LIMCH1: variants seen among roughly 807,000 people sequenced by gnomAD.
LIMCH1 encodes LIM and calponin homology domains 1.
In LIMCH1, 113 loss-of-function variants were observed where a neutral mutation model predicts 176.5. The observed-to-expected ratio is 0.64, with a 90% confidence interval of 0.55 to 0.75. The LOEUF is 0.75. LIMCH1 is among the 30% of genes least tolerant of loss of function. LIMCH1 has a pLI of 0.00. For synonymous variants in LIMCH1, 619 were observed against 645.9 expected, an observed-to-expected ratio of 0.96 and a Z score of 0.63; for missense variants, 1,674 against 1,814.9, an observed-to-expected ratio of 0.92 and a Z score of 1.41.
At chr4:41,499,393 C>A (rs184576277) in intron 2 of LIMCH1, among the ~76,000 whole-genome samples, 156 of 152,282 alleles carry the variant, frequency 1.0e-3, no homozygotes, top group African/African-American at 3.6e-3. Flanking sequence ...CAGGGTGGAT[C>A]TTGTAAATAT....
chr4:41,667,755 G>A (rs889454441), intron 21 of LIMCH1, among the ~76,000 whole-genome samples: 1 of 152,146 alleles, frequency 6.6e-6, no homozygotes, highest in Non-Finnish European at 1.5e-5. Flanking sequence ...TGGAGGATGG[G>A]TTCTGAGAAT....
intron 1 of LIMCH1, among the ~76,000 whole-genome samples, chr4:41,559,212 T>A (rs1300226339): frequency 6.6e-6 from 1 of 152,160 alleles, no homozygotes; most frequent in Non-Finnish European, 1.5e-5. Context: ...TAAAACATAA[T>A]AAAGATAAAT....
chr4:41,613,188 C>G, intron 4 of LIMCH1: 1 of 1,189,734 alleles, frequency 8.4e-7, no homozygotes. Flanking sequence ...AATTCTTTCT[C>G]TACTCTTTTT....
At chr4:41,365,137 C>A (rs1474058062) in intron 1 of LIMCH1, among the ~76,000 whole-genome samples, 2 of 152,250 alleles carry the variant, frequency 1.3e-5, no homozygotes, top group Non-Finnish European at 2.9e-5. Context: ...GAAATTTCAA[C>A]CCAACTCAGC....
At chr4:41,373,760 G>A (rs1300131591) in intron 1 of LIMCH1, among the ~76,000 whole-genome samples, 1 of 152,126 alleles carries the variant, frequency 6.6e-6, no homozygotes, top group Non-Finnish European at 1.5e-5. Flanking sequence ...GGTGTGATAT[G>A]GTTTGGATTT....
Position 41,644,601 on chromosome 4 carries a change from G to A in LIMCH1, c.2228G>A (p.Arg743Lys). Residue 743 changes from arginine (R) to lysine (K), a missense_variant, in exon 15 of 32, where the codon AGG becomes AAG. Physicochemically the swap from Arg to Lys is conservative, Grantham distance 26 (BLOSUM62 2). This residue lies in a region of LIMCH1 where 1,015 missense variants were observed against 1,102.5 expected (regional missense o/e 0.92). Transcript: ENST00000503057. Reference protein sequence around the residue: ...EQLQLINNQLREEDDKWQDDL... With the variant: ...EQLQLINNQLKEEDDKWQDDL... Reference sequence around the variant, plus strand: ...CTGCAGCTGATAAATAACCAGCTGAGGGAAGAGGACGACAAATGGCAAGAT... The same window carrying A: ...CTGCAGCTGATAAATAACCAGCTGAAGGAAGAGGACGACAAATGGCAAGAT... The A allele has an allele frequency of 6.2e-7, 1 of 1,612,472 alleles. No homozygotes were observed. Among genetic ancestry groups the A allele is most frequent in the Non-Finnish European group, 8.5e-7 (1 of 1,179,340 alleles).
chr4:41,695,027 T>A (rs954512221), intron 31 of LIMCH1, among the ~76,000 whole-genome samples: 1 of 152,120 alleles, frequency 6.6e-6, no homozygotes, highest in Non-Finnish European at 1.5e-5. Context: ...TATTTATATT[T>A]CCTTTTCTGT....
chr4:41,495,024 A>G (rs1176335039), intron 2 of LIMCH1, among the ~76,000 whole-genome samples: 1 of 152,216 alleles, frequency 6.6e-6, no homozygotes, highest in Admixed American at 6.5e-5. Flanking sequence ...ATGCCGGGTA[A>G]TGCTCCTCAC....
At chr4:41,665,585 T>A (rs2094793892) in intron 20 of LIMCH1, among the ~76,000 whole-genome samples, 1 of 152,086 alleles carries the variant, frequency 6.6e-6, no homozygotes, top group Non-Finnish European at 1.5e-5. Flanking sequence ...TGCTCTGTGG[T>A]CTCACTCGCC....
At chr4:41,580,754 A>C (rs773766405) in intron 1 of LIMCH1, among the ~76,000 whole-genome samples, 20 of 152,160 alleles carry the variant, frequency 1.3e-4, no homozygotes, top group Non-Finnish European at 2.5e-4. Flanking sequence ...AGTAAAATAT[A>C]TAAATCTGTT....
At chr4:41,406,124 G>A (rs2058935737) in intron 1 of LIMCH1, among the ~76,000 whole-genome samples, 1 of 152,116 alleles carries the variant, frequency 6.6e-6, no homozygotes, top group African/African-American at 2.4e-5. Context: ...AATAACTTTT[G>A]TATCTTCCTT....
At chr4:41,485,808 T>C (rs906194583) in intron 1 of LIMCH1, among the ~76,000 whole-genome samples, 2 of 152,092 alleles carry the variant, frequency 1.3e-5, no homozygotes, top group Non-Finnish European at 2.9e-5. Context: ...GGCTGCTGGC[T>C]TGAGAATAGA....
chr4:41,459,783 G>A (rs1203704478), intron 1 of LIMCH1, among the ~76,000 whole-genome samples: 1 of 152,166 alleles, frequency 6.6e-6, no homozygotes, highest in Non-Finnish European at 1.5e-5. Context: ...TCAGCCCAGA[G>A]ACAGGGGCTG....
chr4:41,663,462 G>T (rs1227212336), intron 20 of LIMCH1, among the ~76,000 whole-genome samples: 1 of 152,084 alleles, frequency 6.6e-6, no homozygotes, highest in Non-Finnish European at 1.5e-5. Context: ...TAACCTGTCA[G>T]CTTACTGGCT....
At chr4:41,568,937 G>C (rs1179377134) in intron 1 of LIMCH1, among the ~76,000 whole-genome samples, 1 of 150,434 alleles carries the variant, frequency 6.6e-6, no homozygotes, top group Non-Finnish European at 1.5e-5. Context: ...TCATTCTCTT[G>C]ATCTTCTACA....
At chr4:41,372,603 G>A (rs921403718) in intron 1 of LIMCH1, among the ~76,000 whole-genome samples, 3 of 152,176 alleles carry the variant, frequency 2.0e-5, no homozygotes, top group African/African-American at 7.2e-5. Context: ...TATGGAAAAT[G>A]TTTTCTTTAG....
chr4:41,566,259 G>T (rs973092189), intron 1 of LIMCH1, among the ~76,000 whole-genome samples: 2 of 152,154 alleles, frequency 1.3e-5, no homozygotes, highest in African/African-American at 4.8e-5. Flanking sequence ...ATCACAAATG[G>T]TCTTAATGGC....
intron 1 of LIMCH1, among the ~76,000 whole-genome samples, chr4:41,541,324 A>G (rs1307873978): frequency 6.6e-6 from 1 of 152,132 alleles, no homozygotes; most frequent in African/African-American, 2.4e-5. Context: ...TTCCTTTGGC[A>G]TCCTCTCTTT....
At chr4:41,662,008 C>G in intron 19 of LIMCH1, 1 of 297,026 alleles carries the variant, frequency 3.4e-6, no homozygotes, top group Non-Finnish European at 6.6e-6. Flanking sequence ...TCTTGTTCCT[C>G]AATATTTTTT....
Sources: allele counts gnomAD v4.1 joint callset (sites outside exome capture counted in the v4.1 genomes callset), GRCh38; gene constraint gnomAD v4.1.1; regional missense constraint gnomAD v4.1.1; transcripts MANE v1.5; gene names NCBI Gene and HGNC (gene_info 2026-07-23, HGNC 2026-07-21).